Variants in NFATC2 observed in about 807,000 individuals in gnomAD.
The protein encoded by NFATC2 is nuclear factor of activated T cells 2.
NFATC2 carries 22 observed loss-of-function variants against 87.3 expected under a neutral mutation model. That is an observed-to-expected ratio of 0.25 (90% CI 0.18 to 0.36). The LOEUF (loss-of-function observed/expected upper bound fraction) is 0.36. NFATC2 is among the 10% of genes least tolerant of loss of function. The pLI, the probability that NFATC2 is intolerant of heterozygous loss-of-function variation, is 1.00. For missense variants in NFATC2, 1,149 were observed against 1,259.1 expected (o/e 0.91, Z 1.32); for synonymous variants, 565 against 542.2 (o/e 1.04, Z -0.58).
chr20:51,431,342 G>A (rs1233668193), intron 9 of NFATC2, among the ~76,000 whole-genome samples: 1 of 152,082 alleles, frequency 6.6e-6, no homozygotes, highest in African/African-American at 2.4e-5. Flanking sequence ...CTGAGATCCT[G>A]GACCAACACC....
upstream of NFATC2, among the ~76,000 whole-genome samples, chr20:51,543,451 A>T (rs977500753): frequency 6.6e-6 from 1 of 152,076 alleles, no homozygotes; most frequent in Admixed American, 6.6e-5. Context: ...GTCAAGGAGG[A>T]CCTCTCTGAG....
rs1211852742 is a variant in NFATC2 at position 51,480,807 on chromosome 20, T to C, written c.1333-5147A>G. 1.3e-5 allele frequency among the ~76,000 whole-genome samples: 2 copies of C among 152,114 alleles called. No homozygotes were observed. Among genetic ancestry groups the C allele is most frequent in the Non-Finnish European group, 2.9e-5 (2 of 68,006 alleles). Reference sequence around the variant, plus strand: ...GCACCAAAGCACAGCACACGGTAGGTACCCATGAAACGAGAACTTTCCTTG... The same window carrying C: ...GCACCAAAGCACAGCACACGGTAGGCACCCATGAAACGAGAACTTTCCTTG... On this transcript the variant is annotated intron_variant, in intron 3 of 10. Transcript: ENST00000371564. The surrounding 1 kb of genome is among the most constrained non-coding windows in gnomAD (Gnocchi z 4.2).
rs539578602 is a variant in NFATC2, at chr20:51,423,475, G to C, written c.2722+8592C>G. On this transcript the variant is annotated intron_variant, in intron 9 of 10. Coordinates refer to ENST00000371564, the MANE Select transcript of NFATC2 (RefSeq NM_012340.5). ...CAGCATAGCACACCCACAGAGCAGGGAAGTGAGTCTTAGCCCTTCTGCCCT... is the reference window on the plus strand; with the variant it reads ...CAGCATAGCACACCCACAGAGCAGGCAAGTGAGTCTTAGCCCTTCTGCCCT... Among the ~76,000 whole-genome samples, 5 of 152,156 alleles carry C rather than the reference G, an allele frequency of 3.3e-5. No homozygotes were observed. The South Asian group carries it at 1.0e-3, about 32-fold the overall frequency.
chr20:51,492,478 A>G (rs1473451223), intron 3 of NFATC2, among the ~76,000 whole-genome samples: 1 of 152,258 alleles, frequency 6.6e-6, no homozygotes, highest in Non-Finnish European at 1.5e-5. Context: ...AACAAACAAC[A>G]AAAACCCCGC....
intron 6 of NFATC2, among the ~76,000 whole-genome samples, chr20:51,443,154 G>A (rs977728290): frequency 3.0e-5 from 4 of 132,784 alleles, no homozygotes; most frequent in African/African-American, 9.6e-5. Flanking sequence ...TCCTTCAGGT[G>A]CAGCTCAGGG....
At chr20:51,533,921 T>C (rs2179746) in intron 1 of NFATC2, among the ~76,000 whole-genome samples, 109,549 of 152,140 alleles carry the variant, frequency 0.72, 39,758 homozygotes, top group Non-Finnish European at 0.77. Context: ...GTGGCACACA[T>C]AAGGACTCAT....
chr20:51,393,038 C>G (rs1274320087), intron 10 of NFATC2, among the ~76,000 whole-genome samples: 1 of 152,196 alleles, frequency 6.6e-6, no homozygotes, highest in Non-Finnish European at 1.5e-5. Flanking sequence ...GGTAACAGTG[C>G]CCAGCACAGT....
chr20:51,425,952 C>G (rs140317213), intron 9 of NFATC2, among the ~76,000 whole-genome samples: 116 of 152,262 alleles, frequency 7.6e-4, no homozygotes, highest in African/African-American at 2.6e-3. Flanking sequence ...CAGCCCCCGG[C>G]GAGGACATCA....
At chr20:51,501,687 A>G (rs1568695872) in intron 3 of NFATC2, among the ~76,000 whole-genome samples, 1 of 152,264 alleles carries the variant, frequency 6.6e-6, no homozygotes, top group East Asian at 1.9e-4. Context: ...TTCTTCTTAT[A>G]GCTTTTTTAC....
chr20:51,523,353 A>T lies in NFATC2; in HGVS notation c.888T>A (p.Pro296=). The T allele has an allele frequency of 6.2e-7, 1 of 1,612,046 alleles. No homozygotes were observed. Among genetic ancestry groups the T allele is most frequent in the Non-Finnish European group, 8.5e-7 (1 of 1,179,056 alleles). ...CCATGATCACGGCAGAGCCAGCCAC[A>T]GGGGGGTACCCAGCCGGGGAGCCGT... The part of the protein sequence containing the change: ...QDHGSPAGYP[P]VAGSAVIMDA... The change falls in exon 2 of 11, where the codon CCT becomes CCA. Residue 296 remains proline (P), a synonymous_variant. Coordinates refer to ENST00000371564, the MANE Select transcript of NFATC2 (RefSeq NM_012340.5). The surrounding 1 kb of genome is among the most constrained non-coding windows in gnomAD (Gnocchi z 6.9).
At chr20:51,402,611 G>C (rs1462565102) in intron 9 of NFATC2, among the ~76,000 whole-genome samples, 1 of 152,192 alleles carries the variant, frequency 6.6e-6, no homozygotes, top group African/African-American at 2.4e-5. Flanking sequence ...TGAGTTTTGG[G>C]GAAGACATAT....
Position 51,542,485 on chromosome 20 carries a change from C to A in NFATC2, c.15G>T (p.Glu5Asp). The change falls in exon 1 of 11, where the codon GAG becomes GAT. Residue 5 changes from glutamate to aspartate, a missense_variant. Around this residue, in one of 3 missense-constraint regions of NFATC2, gnomAD observed 563 missense variants for 585.2 expected, o/e 0.96. Coordinates refer to ENST00000371564, the MANE Select transcript of NFATC2 (RefSeq NM_012340.5). Reference sequence around the variant, plus strand: ...CCCCGCCGTCGGGTTGGGGCTGCCGCTCGGGGGCGTTCATGGCGCGCAGGG... The same window carrying A: ...CCCCGCCGTCGGGTTGGGGCTGCCGATCGGGGGCGTTCATGGCGCGCAGGG... MNAP[E>D]RQPQPDGGDA... 1 of 1,527,778 alleles carries A rather than the reference C, an allele frequency of 6.5e-7. No individual in the cohort carries two copies. Among genetic ancestry groups the A allele is most frequent in the South Asian group, 1.2e-5 (1 of 80,722 alleles). 94.6% of individuals were successfully genotyped at this position (1,527,778 alleles called of 1,614,324 possible).
intron 6 of NFATC2, among the ~76,000 whole-genome samples, chr20:51,452,660 A>G (rs926222801): frequency 6.6e-6 from 1 of 151,568 alleles, no homozygotes; most frequent in South Asian, 2.1e-4. Flanking sequence ...CCCCACACAG[A>G]CCTCCTCTCC....
At position 51,398,734 on chromosome 20, in the gene NFATC2, A is replaced by C. The variant is rs778337820; in HGVS notation, c.2723-4T>G. ...CTAAGGTGTGTGTCTATCAGCTCTG[A>C]AAAAGATTTGCAAAATCATTTTTGA... On this transcript the variant is annotated splice_region_variant and splice_polypyrimidine_tract_variant and intron_variant, in intron 9 of 10. Transcript: ENST00000371564. 7.5e-6 allele frequency: 12 copies of C among 1,604,136 alleles called. No homozygotes were observed. In the Admixed American group the frequency reaches 1.8e-4, roughly 25 times the overall value.
chr20:51,453,858 T>A (rs1986092147), intron 6 of NFATC2, among the ~76,000 whole-genome samples: 1 of 152,214 alleles, frequency 6.6e-6, no homozygotes, highest in Admixed American at 6.5e-5. Flanking sequence ...GCAATATGTA[T>A]TTAAAGTCCT....
intron 1 of NFATC2, among the ~76,000 whole-genome samples, chr20:51,554,429 C>G (rs1028682096): frequency 2.6e-5 from 4 of 152,156 alleles, no homozygotes; most frequent in African/African-American, 9.7e-5. Flanking sequence ...TCATCAGGAC[C>G]CTACAGAAAA....
At chr20:51,494,003 T>C (rs2075945012) in intron 3 of NFATC2, among the ~76,000 whole-genome samples, 1 of 152,104 alleles carries the variant, frequency 6.6e-6, no homozygotes. Context: ...GTGGCAAAGA[T>C]TAGACGATAT....
At chr20:51,402,733 C>A (rs1031385019) in intron 9 of NFATC2, among the ~76,000 whole-genome samples, 1 of 152,208 alleles carries the variant, frequency 6.6e-6, no homozygotes, top group Non-Finnish European at 1.5e-5. Flanking sequence ...GCAGGTCAGA[C>A]ACTCCCAGGT....
At chr20:51,395,881 T>C (rs1266472359) in intron 10 of NFATC2, among the ~76,000 whole-genome samples, 1 of 151,678 alleles carries the variant, frequency 6.6e-6, no homozygotes, top group Non-Finnish European at 1.5e-5. Flanking sequence ...TTTTCAGCTT[T>C]GTGGGCTCTT....
Sources: allele counts gnomAD v4.1 joint callset (sites outside exome capture counted in the v4.1 genomes callset), GRCh38; gene constraint gnomAD v4.1.1; regional missense constraint gnomAD v4.1.1; non-coding constraint Gnocchi (gnomAD v3.1); transcripts MANE v1.5; gene names NCBI Gene and HGNC (gene_info 2026-07-23, HGNC 2026-07-21).